The following PCSK6 variants were observed in gnomAD, a reference collection of about 807,000 sequenced individuals.
The protein encoded by PCSK6 is proprotein convertase subtilisin/kexin type 6, also known as paired basic amino acid cleaving enzyme 4.
Under a neutral mutation model 123.3 loss-of-function variants are expected in PCSK6, and 85 were observed. That is an observed-to-expected ratio of 0.69 (90% CI 0.58 to 0.83). The LOEUF (loss-of-function observed/expected upper bound fraction) is 0.83, where lower values mean the gene tolerates loss of function less well. Among genes scored for constraint, PCSK6 ranks in the 40% least tolerant of loss-of-function variants. The probability of loss-of-function intolerance (pLI) is 0.00; values close to 1 mark genes in which losing one functional copy is unlikely to be tolerated. For missense variants in PCSK6, 1,191 were observed against 1,282.3 expected (o/e 0.93, Z 1.09); for synonymous variants, 508 against 516.0 (o/e 0.98, Z 0.21).
At chr15:101,333,752 T>A (rs1489535830) in intron 13 of PCSK6, among the ~76,000 whole-genome samples, 1 of 122,390 alleles carries the variant, frequency 8.2e-6, no homozygotes, top group Non-Finnish European at 1.6e-5. Flanking sequence ...CTGCTCATCC[T>A]CATACCATAA....
At position 101,313,550 on chromosome 15, in the gene PCSK6, G is replaced by A. The variant is rs375964367; in HGVS notation, c.2570-45C>T. 5.8e-5 allele frequency: 91 copies of A among 1,558,898 alleles called. No individual in the cohort carries two copies. The East Asian group carries it at 1.6e-3, about 27-fold the overall frequency. On this transcript the variant is annotated intron_variant, in intron 19 of 21. Coordinates refer to ENST00000611716, the MANE Select transcript of PCSK6 (RefSeq NM_002570.5). ...AAGCAGGTATCAGGGATGGCTGGCA[G>A]AAGACCATGCCCCAGGCCTGCTTCA...
intron 1 of PCSK6, among the ~76,000 whole-genome samples, chr15:101,473,866 C>T (rs549836049): frequency 6.6e-6 from 1 of 151,126 alleles, no homozygotes; most frequent in Non-Finnish European, 1.5e-5. Flanking sequence ...CAGAGTGAGA[C>T]TCATGTCTCA....
At chr15:101,310,939 A>G (rs1172263930) in intron 20 of PCSK6, among the ~76,000 whole-genome samples, 1 of 151,988 alleles carries the variant, frequency 6.6e-6, no homozygotes, top group Non-Finnish European at 1.5e-5. Flanking sequence ...TGGTTTGAAC[A>G]TTTGTCCCCT....
intron 1 of PCSK6, among the ~76,000 whole-genome samples, chr15:101,456,270 A>G (rs1451357476): frequency 6.6e-6 from 1 of 150,516 alleles, no homozygotes; most frequent in Non-Finnish European, 1.5e-5. Context: ...GCTTATCAAC[A>G]GGGACTTGGT....
chr15:101,485,878 A>G lies in PCSK6; in HGVS notation c.297+3496T>C, dbSNP rs967253635. Among the ~76,000 whole-genome samples, 18 of 152,204 alleles carry G rather than the reference A, an allele frequency of 1.2e-4. 2 individuals carry two copies. Among genetic ancestry groups the G allele is most frequent in the African/African-American group, 4.3e-4 (18 of 41,508 alleles). ...TCACAGCTTAAACTAGATTACATTG[A>G]ATTTGCAGATTAAATTGGGGCAACT... On this transcript the variant is annotated intron_variant, in intron 1 of 21. Coordinates refer to ENST00000611716, the MANE Select transcript of PCSK6 (RefSeq NM_002570.5).
chr15:101,411,765 C>A (rs564006596), intron 6 of PCSK6, among the ~76,000 whole-genome samples: 1 of 152,190 alleles, frequency 6.6e-6, no homozygotes, highest in Non-Finnish European at 1.5e-5. Context: ...TCCACCCATG[C>A]GAGGACGAAA....
At position 101,305,620 on chromosome 15, in the gene PCSK6, A is replaced by C; in HGVS notation, c.2813-265T>G. On this transcript the variant is annotated intron_variant, in intron 21 of 21. Transcript: ENST00000611716. The surrounding 1 kb of genome is among the most constrained non-coding windows in gnomAD (Gnocchi z 4.8). ...CTACTCGGGAGGCTAAAGCAGGAGA[A>C]CCACCTGAACCCAGGAGGCAGAGGT... 1 of 369,646 alleles carries C rather than the reference A, an allele frequency of 2.7e-6. No individual in the cohort carries two copies. Among genetic ancestry groups the C allele is most frequent in the Non-Finnish European group, 5.0e-6 (1 of 198,838 alleles). 22.9% of individuals were successfully genotyped at this position (369,646 alleles called of 1,614,324 possible). A position where few individuals can be genotyped will look rare whatever the true frequency, so the allele number is the denominator to read the frequency against.
At chr15:101,456,362 G>A (rs2057179959) in intron 1 of PCSK6, among the ~76,000 whole-genome samples, 1 of 152,184 alleles carries the variant, frequency 6.6e-6, no homozygotes, top group African/African-American at 2.4e-5. Context: ...TGACTCCTGG[G>A]CTGCTCCAAC....
chr15:101,380,332 C>T (rs750378473), intron 11 of PCSK6, among the ~76,000 whole-genome samples: 4 of 152,204 alleles, frequency 2.6e-5, no homozygotes, highest in Non-Finnish European at 5.9e-5. Flanking sequence ...GCCGCCCTGA[C>T]GGGGACACGA....
rs369402277 is a variant in PCSK6, at chr15:101,347,752, G to A, written c.1859-15721C>T. ...CAAAGCTCTTGTTCAATCTGCCACC[G>A]GAACACGTGTTTTAGTCCAGGTTCC... On this transcript the variant is annotated intron_variant, in intron 13 of 21. Coordinates refer to ENST00000611716, the MANE Select transcript of PCSK6 (RefSeq NM_002570.5). The A allele has an allele frequency of 2.1e-5, 34 of 1,613,688 alleles. No homozygotes were observed. In the African/African-American group the frequency reaches 2.5e-4, roughly 12 times the overall value.
At chr15:101,321,011 G>T (rs7168323) in intron 18 of PCSK6, among the ~76,000 whole-genome samples, 2,694 of 152,210 alleles carry the variant, frequency 0.018, 81 homozygotes, top group African/African-American at 0.062. Flanking sequence ...ATGCATTCCC[G>T]GGGACCCCTC....
At chr15:101,439,208 T>A (rs553830510) in intron 2 of PCSK6, among the ~76,000 whole-genome samples, 1 of 152,210 alleles carries the variant, frequency 6.6e-6, no homozygotes, top group African/African-American at 2.4e-5. Flanking sequence ...CCGCTGGCAC[T>A]GCAGTGGAAT....
chr15:101,306,963 T>G (rs993612407), intron 21 of PCSK6, among the ~76,000 whole-genome samples: 3 of 152,154 alleles, frequency 2.0e-5, no homozygotes, highest in Admixed American at 6.5e-5. Context: ...TAGGAGTCAC[T>G]CAATAAACAG....
rs1439476841 is a variant in PCSK6 at position 101,305,457 on chromosome 15, C to T, written c.2813-102G>A. 3.1e-6 allele frequency: 3 copies of T among 955,606 alleles called. No homozygotes were observed. The East Asian group carries it at 8.0e-5, about 25-fold the overall frequency. 59.2% of individuals were successfully genotyped at this position (955,606 alleles called of 1,614,324 possible). On this transcript the variant is annotated intron_variant, in intron 21 of 21. Coordinates refer to ENST00000611716, the MANE Select transcript of PCSK6 (RefSeq NM_002570.5). The surrounding 1 kb of genome is among the most constrained non-coding windows in gnomAD (Gnocchi z 4.8). ...GCGCGGTGCCTCATGCCTGTAATCCCAGCACTTTGGGAGGCCGAGGTGGGT... is the reference window on the plus strand; with the variant it reads ...GCGCGGTGCCTCATGCCTGTAATCCTAGCACTTTGGGAGGCCGAGGTGGGT...
intron 21 of PCSK6, 82 bp downstream of exon 21, chr15:101,307,131 G>A (rs2039741310): frequency 1.0e-6 from 1 of 994,384 alleles, no homozygotes; most frequent in South Asian, 1.4e-5. Context: ...TGCCTATGTG[G>A]CTTTGCTTTT....
intron 18 of PCSK6, among the ~76,000 whole-genome samples, chr15:101,320,305 C>T (rs182106622): frequency 1.5e-4 from 23 of 152,222 alleles, no homozygotes; most frequent in Admixed American, 5.9e-4. Context: ...AGGCTGGTTT[C>T]GAACTCCTAG....
At chr15:101,388,682 G>A (rs1319383090) in intron 9 of PCSK6, among the ~76,000 whole-genome samples, 6 of 148,356 alleles carry the variant, frequency 4.0e-5, no homozygotes, top group Non-Finnish European at 8.9e-5. Flanking sequence ...CTTTAAGAAA[G>A]GAAGAAACCA....
chr15:101,343,389 C>T (rs1414943546), intron 13 of PCSK6, among the ~76,000 whole-genome samples: 1 of 151,796 alleles, frequency 6.6e-6, no homozygotes, highest in East Asian at 1.9e-4. Flanking sequence ...TTTCTTCATT[C>T]TTTATGTTGT....
intron 1 of PCSK6, among the ~76,000 whole-genome samples, chr15:101,452,712 C>T (rs2057066803): frequency 6.6e-6 from 1 of 152,130 alleles, no homozygotes; most frequent in Non-Finnish European, 1.5e-5. Context: ...AGGCTGCCCA[C>T]TCAGGGAAAG....
Sources: gnomAD v4.1 joint callset for allele counts (sites outside exome capture counted in the v4.1 genomes callset) on GRCh38, gnomAD v4.1.1 for gene constraint, Gnocchi (gnomAD v3.1) non-coding constraint, MANE v1.5 for transcripts, NCBI Gene and HGNC (gene_info 2026-07-23, HGNC 2026-07-21) for gene names.